The following SH3KBP1 variants were observed in gnomAD, a reference collection of about 807,000 sequenced individuals.
SH3KBP1 encodes SH3 domain-containing kinase-binding protein 1.
In SH3KBP1, 8 loss-of-function variants were observed where a neutral mutation model predicts 50.1. The observed-to-expected ratio is 0.16, with a 90% CI of 0.09 to 0.29. The LOEUF (loss-of-function observed/expected upper bound fraction) is 0.29, where lower values mean the gene tolerates loss of function less well. Among genes scored for constraint, SH3KBP1 ranks in the 10% least tolerant of loss-of-function variants. SH3KBP1 has a pLI of 1.00. For synonymous variants in SH3KBP1, 227 were observed against 218.6 expected, an observed-to-expected ratio of 1.04 and a Z score of -0.34; for missense variants, 377 against 535.2, an observed-to-expected ratio of 0.70 and a Z score of 2.92.
chrX:19,704,007 G>A (rs1434774550), intron 4 of SH3KBP1, among the ~76,000 whole-genome samples: 1 of 110,710 alleles, frequency 9.0e-6, no homozygotes, highest in Non-Finnish European at 1.9e-5. Flanking sequence ...TAAGAGAAAA[G>A]GACAGATTTT....
chrX:19,616,290 C>T (rs1320833739), intron 8 of SH3KBP1, among the ~76,000 whole-genome samples: 1 of 111,800 alleles, frequency 8.9e-6, no homozygotes, highest in Non-Finnish European at 1.9e-5. Context: ...TGTAATACAA[C>T]GAAGTCATGA....
At chrX:19,602,118 C>T (rs768804618) in intron 9 of SH3KBP1, among the ~76,000 whole-genome samples, 2 of 110,829 alleles carry the variant, frequency 1.8e-5, no homozygotes, top group Non-Finnish European at 3.8e-5. Context: ...TGCCCAGACC[C>T]CATGATCAGA....
chrX:19,853,932 A>G (rs1485236471), intron 1 of SH3KBP1, among the ~76,000 whole-genome samples: 1 of 106,129 alleles, frequency 9.4e-6, no homozygotes, highest in Non-Finnish European at 1.9e-5. Flanking sequence ...ACTGCACTCC[A>G]GCCTGGGCAA....
At chrX:19,855,788 T>G (rs1416101353) in intron 1 of SH3KBP1, among the ~76,000 whole-genome samples, 1 of 112,292 alleles carries the variant, frequency 8.9e-6, no homozygotes, top group Non-Finnish European at 1.9e-5. Flanking sequence ...TTTTTGTCGT[T>G]TAAGTGTGCT....
intron 3 of SH3KBP1, among the ~76,000 whole-genome samples, chrX:19,742,728 A>G (rs1280113097): frequency 8.9e-6 from 1 of 111,874 alleles, no homozygotes; most frequent in Admixed American, 9.5e-5. Context: ...TAATGATAGA[A>G]GAAACAAAAG....
chrX:19,778,436 AAAAAAAAAAAAG>A (rs1295376788), intron 2 of SH3KBP1, among the ~76,000 whole-genome samples: 1 of 107,915 alleles, frequency 9.3e-6, no homozygotes. Flanking sequence ...ATCTCAAAAA[AAAAAAAAAAAAG>A]AAAAGAAAAA....
At chrX:19,838,059 AAACAACAACAACAACAACAACAACAAC>A in intron 1 of SH3KBP1, among the ~76,000 whole-genome samples, 1 of 100,709 alleles carries the variant, frequency 9.9e-6, no homozygotes, top group Non-Finnish European at 1.9e-5. Flanking sequence ...CAAATGAGTA[AAACAACAACAACAACAACAACAACAAC>A]AACAACAACA....
At chrX:19,796,588 G>T (rs187125483) in intron 2 of SH3KBP1, among the ~76,000 whole-genome samples, 63 of 112,180 alleles carry the variant, frequency 5.6e-4, no homozygotes, top group East Asian at 2.2e-3. Flanking sequence ...CAGCACATTT[G>T]GTGGTAAGTC....
chrX:19,652,222 G>A (rs534897373), intron 6 of SH3KBP1, among the ~76,000 whole-genome samples: 132 of 111,282 alleles, frequency 1.2e-3, no homozygotes, highest in Middle Eastern at 4.6e-3. Context: ...GATGTCTTCC[G>A]GGGCCTCGGT....
intron 2 of SH3KBP1, among the ~76,000 whole-genome samples, chrX:19,789,241 A>G (rs1228515778): frequency 9.0e-6 from 1 of 111,722 alleles, no homozygotes; most frequent in Non-Finnish European, 1.9e-5. Context: ...TTATTAAATG[A>G]TTATGGTGAC....
At chrX:19,848,852 G>C (rs1374420994) in intron 1 of SH3KBP1, among the ~76,000 whole-genome samples, 1 of 111,627 alleles carries the variant, frequency 9.0e-6, no homozygotes, top group Admixed American at 9.5e-5. Flanking sequence ...TGGCTCACTA[G>C]AGCCTGGAAC....
rs982697217 is a variant in SH3KBP1, at chrX:19,681,645, T to C, written c.726+2178A>G. ...AAAGGGAGGCAGCCAAGTGGGCAGG[T>C]AGATGCAGAGTGGCCCAGGCTGAGG... On this transcript the variant is annotated intron_variant, in intron 6 of 17. Coordinates refer to ENST00000397821, the MANE Select transcript of SH3KBP1 (RefSeq NM_031892.3). Among the ~76,000 whole-genome samples the C allele has an allele frequency of 2.7e-5, 3 of 109,383 alleles. No homozygotes were observed. The Middle Eastern group carries it at 0.015, about 531-fold the overall frequency. 95.0% of individuals were successfully genotyped at this position (109,383 alleles called of 115,157 possible).
At chrX:19,671,133 GC>G in intron 6 of SH3KBP1, 6 of 580,581 alleles carry the variant, frequency 1.0e-5, no homozygotes, top group Non-Finnish European at 1.2e-5. Context: ...CCCTCCTGGG[GC>G]CCCCAGGTGT....
At chrX:19,740,815 A>G (rs893563634) in intron 3 of SH3KBP1, 1 of 316,034 alleles carries the variant, frequency 3.2e-6, no homozygotes, top group Non-Finnish European at 6.4e-6. Context: ...CGGCCTATCA[A>G]GATCCACGCC....
At chrX:19,659,109 ATTTTTTTTT>A (rs147804094) in intron 6 of SH3KBP1, among the ~76,000 whole-genome samples, 1 of 57,331 alleles carries the variant, frequency 1.7e-5, no homozygotes, top group East Asian at 6.8e-4. Context: ...TGCCCAGCTA[ATTTTTTTTT>A]TTTTTTTTTT....
chrX:19,584,833 G>A (rs2066510561), intron 12 of SH3KBP1, among the ~76,000 whole-genome samples: 1 of 112,008 alleles, frequency 8.9e-6, no homozygotes, highest in African/African-American at 3.2e-5. Flanking sequence ...AGCTGGAGTG[G>A]CAATGCCTGG....
intron 12 of SH3KBP1, among the ~76,000 whole-genome samples, chrX:19,587,173 G>A (rs1378081798): frequency 9.7e-6 from 1 of 102,704 alleles, no homozygotes; most frequent in East Asian, 3.0e-4. Flanking sequence ...GGTGAGCCGA[G>A]ATTGCGCCAT....
intron 1 of SH3KBP1, among the ~76,000 whole-genome samples, chrX:19,884,933 A>C (rs747426560): frequency 2.7e-5 from 3 of 111,511 alleles, no homozygotes; most frequent in Non-Finnish European, 5.6e-5. Context: ...TTTTTCAGAA[A>C]ACGAAATATA....
chrX:19,583,168 T>TTA (rs2066436408), intron 12 of SH3KBP1, among the ~76,000 whole-genome samples: 1 of 66,537 alleles, frequency 1.5e-5, no homozygotes, highest in East Asian at 6.7e-4. Flanking sequence ...TATTATTATT[T>TTA]TTGAGACGCA....
Sources: allele counts gnomAD v4.1 joint callset (sites outside exome capture counted in the v4.1 genomes callset), GRCh38; gene constraint gnomAD v4.1.1; transcripts MANE v1.5; gene names NCBI Gene and HGNC (gene_info 2026-07-23, HGNC 2026-07-21).